Variants in COL24A1 observed in about 807,000 individuals in gnomAD.
COL24A1 encodes the protein collagen alpha-1(XXIV) chain.
A neutral mutation model predicts 253.9 loss-of-function variants in COL24A1; 224 were observed. That is an observed-to-expected ratio of 0.88 (90% CI 0.79 to 0.99). The LOEUF is 0.99. Among genes scored for constraint, COL24A1 ranks in the 50% least tolerant of loss-of-function variants. The pLI is 0.00. For synonymous variants in COL24A1, 685 were observed against 673.7 expected (o/e 1.02, Z -0.26); for missense variants, 2,131 against 2,068.5 (o/e 1.03, Z -0.59).
intron 37 of COL24A1, among the ~76,000 whole-genome samples, chr1:85,864,794 G>T (rs778823229): frequency 3.9e-5 from 6 of 152,012 alleles, no homozygotes; most frequent in Non-Finnish European, 7.4e-5. Context: ...ACCAAATTTT[G>T]TCCTAAACAT....
intron 53 of COL24A1, among the ~76,000 whole-genome samples, chr1:85,770,309 A>AG (rs1297004737): frequency 2.9e-5 from 1 of 34,848 alleles, no homozygotes; most frequent in East Asian, 6.2e-4. Context: ...CTAAGATGAG[A>AG]AAAAAAAAAA....
chr1:85,745,501 T>C lies in COL24A1; in HGVS notation c.4443A>G (p.Gln1481=). 2 of 1,609,624 alleles carry C rather than the reference T, an allele frequency of 1.2e-6. No homozygotes were observed. Among genetic ancestry groups the C allele is most frequent in the Non-Finnish European group, 1.7e-6 (2 of 1,178,226 alleles). Residue 1481 remains glutamine (Q), a synonymous_variant, in exon 56 of 60, where the codon CAA becomes CAG. Coordinates refer to ENST00000370571, the MANE Select transcript of COL24A1 (RefSeq NM_152890.7). ...GPPGAPGPRK[Q]MDINAAIQAL... is the part of the protein sequence containing the mutation. ...CTTGAATAGCAGCATTGATATCCAT[T>C]TGCTTCTGTGTAAAACAAAACCATT...
At position 86,000,657 on chromosome 1, in the gene COL24A1, G is replaced by A. The variant is rs566176429; in HGVS notation, c.2311-13003C>T. The stretch of plus-strand genomic sequence containing the variant: ...TAAAAGCATGCTTTTACTTGATATA[G>A]CCAGATTTTTGAAACTCACTTCAGT... On this transcript the variant is annotated intron_variant, in intron 19 of 59. Coordinates refer to ENST00000370571, the MANE Select transcript of COL24A1 (RefSeq NM_152890.7). 1.2e-3 allele frequency among the ~76,000 whole-genome samples: 182 copies of A among 152,282 alleles called. 3 individuals are homozygous for A. Among genetic ancestry groups the A allele is most frequent in the Middle Eastern group, 6.8e-3 (2 of 294 alleles).
At chr1:85,893,352 T>G (rs1683323543) in intron 31 of COL24A1, among the ~76,000 whole-genome samples, 1 of 151,896 alleles carries the variant, frequency 6.6e-6, no homozygotes, top group African/African-American at 2.4e-5. Context: ...GTGAATAAAC[T>G]TACAATAGAA....
At chr1:86,069,622 G>T (rs1042470848) in intron 7 of COL24A1, among the ~76,000 whole-genome samples, 2 of 151,538 alleles carry the variant, frequency 1.3e-5, no homozygotes, top group Non-Finnish European at 2.9e-5. Flanking sequence ...CAGGGTGCCT[G>T]TATCTCCACA....
chr1:85,985,385 T>C (rs1057057727), intron 20 of COL24A1, among the ~76,000 whole-genome samples: 1 of 151,846 alleles, frequency 6.6e-6, no homozygotes, highest in African/African-American at 2.4e-5. Flanking sequence ...TGGATATGAC[T>C]GTATAACTAC....
In COL24A1 at chr1:85,737,376, T is replaced by C; in HGVS notation, c.4782+20A>G. The stretch of plus-strand genomic sequence containing the variant: ...TACTGTGCAATATAACGACATGTGT[T>C]CTAAAATTCAGTAACATACCTTTGT... On this transcript the variant is annotated intron_variant, in intron 58 of 59. Coordinates refer to ENST00000370571, the MANE Select transcript of COL24A1 (RefSeq NM_152890.7). 1 of 1,519,474 alleles carries C rather than the reference T, an allele frequency of 6.6e-7. No individual in the cohort carries two copies. The highest frequency in any genetic ancestry group is 9.1e-7 in the Non-Finnish European group (1 of 1,100,008). 94.1% of individuals were successfully genotyped at this position (1,519,474 alleles called of 1,614,324 possible).
rs570162163 is a variant in COL24A1, at chr1:85,798,955, GT to G, written c.3952-12495del. Among the ~76,000 whole-genome samples the G allele has an allele frequency of 1.5e-3, 233 of 152,168 alleles. 9 individuals carry two copies. The highest frequency in any genetic ancestry group is 0.015 in the Admixed American group (231 of 15,280). On this transcript the variant is annotated intron_variant, in intron 47 of 59. Coordinates refer to ENST00000370571, the MANE Select transcript of COL24A1 (RefSeq NM_152890.7). ...TTTATGATATTTGCAAGGAAAAGTT[GT>G]TTTGCTTTTTCCTAAATGACTGAGG...
At chr1:85,969,965 G>T (rs1691979018) in intron 22 of COL24A1, among the ~76,000 whole-genome samples, 1 of 152,016 alleles carries the variant, frequency 6.6e-6, no homozygotes, top group Admixed American at 6.5e-5. Flanking sequence ...TACATTTTGA[G>T]AAATTTATAA....
intron 52 of COL24A1, 113 bp downstream of exon 52, chr1:85,781,107 T>A: frequency 1.4e-6 from 1 of 724,082 alleles, no homozygotes; most frequent in East Asian, 2.7e-5. Flanking sequence ...AAAATGTATA[T>A]CTATTTTTTC....
chr1:85,947,256 G>A (rs1000854167), intron 24 of COL24A1, among the ~76,000 whole-genome samples: 1 of 152,184 alleles, frequency 6.6e-6, no homozygotes, highest in Non-Finnish European at 1.5e-5. Context: ...AGATTGACAA[G>A]TATTTCAATC....
intron 58 of COL24A1, chr1:85,736,108 G>A (rs921637305): frequency 1.0e-4 from 32 of 319,128 alleles, no homozygotes; most frequent in African/African-American, 5.8e-4. Context: ...AATCTGGCAT[G>A]GTTGTTATGA....
intron 3 of COL24A1, among the ~76,000 whole-genome samples, chr1:86,119,709 C>G (rs1706534542): frequency 6.6e-6 from 1 of 152,116 alleles, no homozygotes; most frequent in Admixed American, 6.6e-5. Flanking sequence ...TATGCCTCTC[C>G]ATATACCATT....
intron 24 of COL24A1, among the ~76,000 whole-genome samples, chr1:85,934,880 T>C (rs1688120613): frequency 6.6e-6 from 1 of 152,106 alleles, no homozygotes; most frequent in African/African-American, 2.4e-5. Context: ...ATAGCCAGAA[T>C]TATTGTCAAT....
chr1:86,148,915 G>A (rs1397195215), intron 1 of COL24A1, among the ~76,000 whole-genome samples: 2 of 152,060 alleles, frequency 1.3e-5, no homozygotes, highest in Non-Finnish European at 2.9e-5. Context: ...GATCCCTGAG[G>A]AATCGCCACA....
rs536410726 is a variant in COL24A1, at chr1:85,812,952, G to A, written c.3951+3836C>T. On this transcript the variant is annotated intron_variant, in intron 47 of 59. Transcript: ENST00000370571. ...AATGCTCCCTGGGAGATAAGTTGGAGCTATAATAGCTGCAATTGTTCTCAC... is the reference window on the plus strand; with the variant it reads ...AATGCTCCCTGGGAGATAAGTTGGAACTATAATAGCTGCAATTGTTCTCAC... Among the ~76,000 whole-genome samples, 10 of 152,268 alleles carry A rather than the reference G, an allele frequency of 6.6e-5. No homozygotes were observed. In the East Asian group the frequency reaches 9.7e-4, roughly 15 times the overall value.
At chr1:86,097,604 C>T (rs1571909398) in intron 5 of COL24A1, among the ~76,000 whole-genome samples, 1 of 104,280 alleles carries the variant, frequency 9.6e-6, no homozygotes, top group African/African-American at 3.7e-5. Context: ...TCGTCCTTCT[C>T]CTTCTCCTCC....
chr1:85,865,857 G>C (rs1216796626), intron 37 of COL24A1, among the ~76,000 whole-genome samples: 1 of 152,110 alleles, frequency 6.6e-6, no homozygotes, highest in Non-Finnish European at 1.5e-5. Flanking sequence ...GACACTAATG[G>C]AAGAGGGATG....
At chr1:85,779,170 C>A (rs1254088049) in intron 52 of COL24A1, among the ~76,000 whole-genome samples, 3 of 151,668 alleles carry the variant, frequency 2.0e-5, no homozygotes, top group African/African-American at 7.3e-5. Context: ...CCACACACAG[C>A]TAATTTATTT....
Sources: allele counts gnomAD v4.1 joint callset (sites outside exome capture counted in the v4.1 genomes callset), GRCh38; gene constraint gnomAD v4.1.1; transcripts MANE v1.5; gene names NCBI Gene and HGNC (gene_info 2026-07-23, HGNC 2026-07-21).